The following POU2F1 variants were observed in gnomAD, a reference collection of about 807,000 sequenced individuals.
The protein encoded by POU2F1 is POU class 2 homeobox 1, also known as POU domain, class 2, transcription factor 1.
A neutral mutation model predicts 84.9 loss-of-function variants in POU2F1; 16 were observed. That is an observed-to-expected ratio of 0.19 (90% CI 0.13 to 0.29). The LOEUF (loss-of-function observed/expected upper bound fraction) is 0.29. POU2F1 is among the 10% of genes least tolerant of loss of function. POU2F1 has a pLI of 1.00. For synonymous variants in POU2F1, 368 were observed against 368.3 expected (o/e 1.00, Z 0.01); for missense variants, 738 against 942.6 (o/e 0.78, Z 2.84).
intron 1 of POU2F1, among the ~76,000 whole-genome samples, chr1:167,299,112 G>A (rs1414803207): frequency 2.9e-5 from 4 of 139,904 alleles, no homozygotes; most frequent in Non-Finnish European, 4.5e-5. Context: ...ATGGTGAGCC[G>A]ATATCGCACC....
chr1:167,338,710 C>G (rs1455600578), intron 2 of POU2F1, among the ~76,000 whole-genome samples: 1 of 152,164 alleles, frequency 6.6e-6, no homozygotes, highest in Non-Finnish European at 1.5e-5. Flanking sequence ...AAAGTCTATT[C>G]TATGTTCTCA....
At chr1:167,336,928 G>C (rs915989206) in intron 2 of POU2F1, among the ~76,000 whole-genome samples, 1 of 152,106 alleles carries the variant, frequency 6.6e-6, no homozygotes, top group East Asian at 1.9e-4. Flanking sequence ...CACTTTGGGA[G>C]GCCAAGGTGG....
In POU2F1 at chr1:167,420,060, A is replaced by G. The variant is rs1230220217; in HGVS notation, c.*4250A>G. 6.6e-6 allele frequency: 1 copy of G among 152,038 alleles called. No homozygotes were observed. The highest frequency in any genetic ancestry group is 2.4e-5 in the African/African-American group (1 of 41,374). The allele number at this position is 152,038 out of a possible 1,614,324, so 9.4% of individuals were successfully genotyped here. On this transcript the variant is annotated 3_prime_UTR_variant, in exon 16 of 16. Coordinates refer to ENST00000367866, the MANE Select transcript of POU2F1 (RefSeq NM_002697.4). ...GTCTGTATTATCCAGAAGCACAGAT[A>G]TTTGCTTGACACAATATTTAAATTC...
At chr1:167,354,922 A>G (rs948211294) in intron 2 of POU2F1, among the ~76,000 whole-genome samples, 2 of 152,100 alleles carry the variant, frequency 1.3e-5, no homozygotes, top group Non-Finnish European at 1.5e-5. Context: ...TGTATTCTGA[A>G]TACTAATCCT....
chr1:167,308,909 T>C (rs1655269476), intron 1 of POU2F1, among the ~76,000 whole-genome samples: 1 of 152,252 alleles, frequency 6.6e-6, no homozygotes, highest in Non-Finnish European at 1.5e-5. Context: ...GGAATCCTAC[T>C]ATAAGGGAAA....
At chr1:167,222,844 T>C (rs1648341675) in intron 1 of POU2F1, among the ~76,000 whole-genome samples, 1 of 152,332 alleles carries the variant, frequency 6.6e-6, no homozygotes, top group South Asian at 2.1e-4. Flanking sequence ...ATGAAATCTA[T>C]TTTGGTTTAA....
chr1:167,274,095 A>G (rs1652557345), intron 1 of POU2F1, among the ~76,000 whole-genome samples: 1 of 152,200 alleles, frequency 6.6e-6, no homozygotes, highest in South Asian at 2.1e-4. Context: ...ATTCCTTATA[A>G]TAGTTGAAGA....
chr1:167,316,968 T>G (rs1374628585), intron 1 of POU2F1, among the ~76,000 whole-genome samples: 1 of 152,184 alleles, frequency 6.6e-6, no homozygotes, highest in Non-Finnish European at 1.5e-5. Context: ...CTAGGCTCAC[T>G]GCAACTTCTG....
chr1:167,338,873 C>T (rs185721541), intron 2 of POU2F1, among the ~76,000 whole-genome samples: 2 of 152,114 alleles, frequency 1.3e-5, no homozygotes, highest in Non-Finnish European at 2.9e-5. Context: ...TTGCAGTGAA[C>T]TTTGGTGTAC....
At chr1:167,318,875 A>AG (rs1227318048) in intron 1 of POU2F1, 1 of 155,596 alleles carries the variant, frequency 6.4e-6, no homozygotes, top group African/African-American at 2.4e-5. Flanking sequence ...GTGGTAGAAA[A>AG]GGTAAATATG....
At chr1:167,275,032 A>AT (rs11413742) in intron 1 of POU2F1, among the ~76,000 whole-genome samples, 2,568 of 112,458 alleles carry the variant, frequency 0.023, 42 homozygotes, top group Middle Eastern at 0.037. Flanking sequence ...AAATAAATGT[A>AT]TTTTTTTTTT....
chr1:167,222,482 ATT>A (rs924825484), intron 1 of POU2F1, among the ~76,000 whole-genome samples: 2 of 150,212 alleles, frequency 1.3e-5, no homozygotes, highest in Non-Finnish European at 3.0e-5. Context: ...GTTCGATATG[ATT>A]TTTTTTTTCC....
chr1:167,383,805 T>C, intron 7 of POU2F1, 52 bp from the exon 8 acceptor site: 3 of 1,474,464 alleles, frequency 2.0e-6, no homozygotes, highest in Admixed American at 3.6e-5. Context: ...TCTTTTGCCA[T>C]GTGTTCGAAG....
intron 7 of POU2F1, chr1:167,379,803 T>G (rs1473657638): frequency 6.6e-6 from 1 of 152,236 alleles, no homozygotes; most frequent in Non-Finnish European, 1.5e-5. Context: ...TTTTCATATC[T>G]GGGACCTCAT....
intron 1 of POU2F1, among the ~76,000 whole-genome samples, chr1:167,318,715 C>T (rs776317672): frequency 5.3e-5 from 8 of 152,058 alleles, no homozygotes; most frequent in Non-Finnish European, 8.8e-5. Context: ...AACAGATAGG[C>T]GGACATTCAA....
intron 1 of POU2F1, among the ~76,000 whole-genome samples, chr1:167,243,441 AAAGT>A (rs1264194042): frequency 1.3e-5 from 2 of 152,208 alleles, no homozygotes; most frequent in Non-Finnish European, 2.9e-5. Flanking sequence ...TCAAAGTGAA[AAAGT>A]AAGTATGAAC....
chr1:167,261,513 G>A (rs1175979782), intron 1 of POU2F1, among the ~76,000 whole-genome samples: 1 of 152,070 alleles, frequency 6.6e-6, no homozygotes, highest in African/African-American at 2.4e-5. Flanking sequence ...GCACAGTCTA[G>A]GGGAACACAT....
At chr1:167,346,242 A>G (rs1658189370) in intron 2 of POU2F1, among the ~76,000 whole-genome samples, 1 of 152,192 alleles carries the variant, frequency 6.6e-6, no homozygotes, top group African/African-American at 2.4e-5. Context: ...AGATAGACTT[A>G]ACAATTTAGC....
At chr1:167,226,831 A>G (rs1648664921) in intron 1 of POU2F1, among the ~76,000 whole-genome samples, 1 of 152,208 alleles carries the variant, frequency 6.6e-6, no homozygotes, top group Non-Finnish European at 1.5e-5. Flanking sequence ...TTTATTTCCA[A>G]TTAAGCAAGC....
Sources: allele counts gnomAD v4.1 joint callset (sites outside exome capture counted in the v4.1 genomes callset), GRCh38; gene constraint gnomAD v4.1.1; transcripts MANE v1.5; gene names NCBI Gene and HGNC (gene_info 2026-07-23, HGNC 2026-07-21).